Variants in MYPN observed in about 807,000 individuals in gnomAD.
MYPN encodes myopalladin, also known as sarcomeric protein myopalladin, 145 kDa (MYOP).
MYPN carries 63 observed loss-of-function variants against 129.4 expected under a neutral mutation model. The ratio of observed to expected loss-of-function variants is 0.49; its 90% confidence interval spans 0.40 to 0.60. The LOEUF (loss-of-function observed/expected upper bound fraction) is 0.60, where lower values mean the gene tolerates loss of function less well. MYPN is among the 20% of genes least tolerant of loss of function. The pLI is 0.00. For missense variants in MYPN, 1,596 were observed against 1,635.4 expected (o/e 0.98, Z 0.42); for synonymous variants, 629 against 600.9 (o/e 1.05, Z -0.68).
intron 2 of MYPN, 138 bp downstream of exon 2, chr10:68,122,478 T>G: frequency 1.2e-6 from 1 of 846,880 alleles, no homozygotes; most frequent in Non-Finnish European, 1.9e-6. Context: ...TAAAGCAGCT[T>G]GGTCCAATAG....
intron 3 of MYPN, 22 bp from the exon 4 acceptor site, chr10:68,145,453 T>C: frequency 6.2e-7 from 1 of 1,602,440 alleles, no homozygotes; most frequent in Non-Finnish European, 8.5e-7. Context: ...AACAATCTTA[T>C]GTCTTGTTTT....
At chr10:68,197,258 G>T in intron 15 of MYPN, 94 bp from the exon 16 acceptor site, 14 of 1,406,818 alleles carry the variant, frequency 1.0e-5, no homozygotes, top group Admixed American at 8.2e-5. Flanking sequence ...AAAAAAATCT[G>T]TTCTCTAGGT....
At chr10:68,132,114 A>G (rs1393191848) in intron 2 of MYPN, among the ~76,000 whole-genome samples, 2 of 152,162 alleles carry the variant, frequency 1.3e-5, no homozygotes, top group South Asian at 4.1e-4. Context: ...TCTTGAAGAG[A>G]ATGCTTTCTA....
intron 7 of MYPN, among the ~76,000 whole-genome samples, chr10:68,161,432 T>G (rs1055080780): frequency 6.6e-6 from 1 of 151,954 alleles, no homozygotes; most frequent in African/African-American, 2.4e-5. Flanking sequence ...GGAGAATTGC[T>G]TGAACCCAGG....
At chr10:68,168,496 C>T (rs1239623252) in intron 10 of MYPN, among the ~76,000 whole-genome samples, 1 of 152,128 alleles carries the variant, frequency 6.6e-6, no homozygotes, top group Admixed American at 6.6e-5. Context: ...ATACAGTCTC[C>T]AGAGGTCCTG....
intron 1 of MYPN, among the ~76,000 whole-genome samples, chr10:68,089,025 G>A (rs1309908649): frequency 6.6e-6 from 1 of 152,084 alleles, no homozygotes; most frequent in Admixed American, 6.5e-5. Context: ...AGTCTTTTGT[G>A]AGTTCGTTTG....
At chr10:68,192,410 T>C (rs757940225) in intron 13 of MYPN, among the ~76,000 whole-genome samples, 2 of 152,174 alleles carry the variant, frequency 1.3e-5, no homozygotes, top group Non-Finnish European at 2.9e-5. Context: ...TAGTATTTTG[T>C]TGAGGATTTT....
At chr10:68,160,786 A>G (rs2042963204) in intron 7 of MYPN, among the ~76,000 whole-genome samples, 1 of 152,112 alleles carries the variant, frequency 6.6e-6, no homozygotes. Context: ...GTGTGGTGAC[A>G]GGTGCCTGTA....
intron 10 of MYPN, among the ~76,000 whole-genome samples, chr10:68,171,728 C>T (rs2043147777): frequency 6.6e-6 from 1 of 152,226 alleles, no homozygotes. Flanking sequence ...TTACTCAGAA[C>T]TAGTTTTCCA....
intron 16 of MYPN, among the ~76,000 whole-genome samples, chr10:68,197,704 T>C (rs760120363): frequency 7.2e-5 from 11 of 152,152 alleles, no homozygotes; most frequent in Non-Finnish European, 1.2e-4. Flanking sequence ...AAAAATTACA[T>C]TGGTATTATA....
chr10:68,173,406 A>G (rs1328097344), intron 10 of MYPN, among the ~76,000 whole-genome samples: 3 of 152,088 alleles, frequency 2.0e-5, no homozygotes, highest in Non-Finnish European at 2.9e-5. Context: ...CATTGTCTCT[A>G]TTTCTCTTTT....
intron 17 of MYPN, among the ~76,000 whole-genome samples, chr10:68,200,335 G>A (rs983965370): frequency 6.6e-6 from 1 of 152,164 alleles, no homozygotes; most frequent in Non-Finnish European, 1.5e-5. Flanking sequence ...TGATGTGAAT[G>A]AAACACTGTA....
At chr10:68,173,961 C>T (rs2043183977) in intron 10 of MYPN, 105 bp from the exon 11 acceptor site, 2 of 976,538 alleles carry the variant, frequency 2.0e-6, no homozygotes, top group Middle Eastern at 2.3e-4. Flanking sequence ...GCCACCATGC[C>T]CCGCCTATCA....
intron 2 of MYPN, among the ~76,000 whole-genome samples, chr10:68,126,502 A>C (rs2042328048): frequency 6.6e-6 from 1 of 152,186 alleles, no homozygotes; most frequent in African/African-American, 2.4e-5. Flanking sequence ...GAAGCCATGA[A>C]GCCACTTAGG....
chr10:68,109,432 G>A (rs1236964094), upstream of MYPN: 1 of 446,276 alleles, frequency 2.2e-6, no homozygotes, highest in Non-Finnish European at 4.5e-6. Flanking sequence ...TGTCCAATCA[G>A]GTGGAATGTT....
chr10:68,125,240 A>T (rs1376360624), intron 2 of MYPN, among the ~76,000 whole-genome samples: 1 of 152,252 alleles, frequency 6.6e-6, no homozygotes, highest in Non-Finnish European at 1.5e-5. Context: ...TTCAAATTTA[A>T]AAGTGAAAGA....
In MYPN at chr10:68,149,228, C is replaced by G. The variant is rs558689878; in HGVS notation, c.1245+761C>G. Among the ~76,000 whole-genome samples the G allele has an allele frequency of 1.0e-3, 154 of 152,080 alleles. 2 individuals carry two copies. The Middle Eastern group carries it at 0.017, about 17-fold the overall frequency. Reference sequence around the variant, plus strand: ...CAGAATAAGACCCTGTCCTCCCACTCCCCCCCGAAAAATGTATTAAGTAAA... The same window carrying G: ...CAGAATAAGACCCTGTCCTCCCACTGCCCCCCGAAAAATGTATTAAGTAAA... On this transcript the variant is annotated intron_variant, in intron 5 of 19. Transcript: ENST00000358913.
intron 3 of MYPN, among the ~76,000 whole-genome samples, 153 bp from the exon 4 acceptor site, chr10:68,145,322 C>G (rs968731076): frequency 6.6e-6 from 1 of 152,024 alleles, no homozygotes. Context: ...CCACGCCCGG[C>G]GTTACTGAGT....
chr10:68,138,397 C>T (rs1162633024), intron 2 of MYPN, among the ~76,000 whole-genome samples: 11 of 151,316 alleles, frequency 7.3e-5, no homozygotes, highest in Admixed American at 6.6e-4. Flanking sequence ...CCACTGTGCC[C>T]GGCCTCTTTT....
Sources: gnomAD v4.1 joint callset for allele counts (sites outside exome capture counted in the v4.1 genomes callset) on GRCh38, gnomAD v4.1.1 for gene constraint, MANE v1.5 for transcripts, NCBI Gene and HGNC (gene_info 2026-07-23, HGNC 2026-07-21) for gene names.